Variants in EXOC7 observed in about 807,000 individuals in gnomAD.
The protein encoded by EXOC7 is exocyst complex component 7.
Under a neutral mutation model 87.6 loss-of-function variants are expected in EXOC7, and 51 were observed. The observed-to-expected ratio is 0.58, with a 90% CI of 0.46 to 0.73. The LOEUF (loss-of-function observed/expected upper bound fraction) is 0.73, where lower values mean the gene tolerates loss of function less well. EXOC7 is among the 30% of genes least tolerant of loss of function. The pLI is 0.00. For synonymous variants in EXOC7, 327 were observed against 357.1 expected, an observed-to-expected ratio of 0.92 and a Z score of 0.95; for missense variants, 744 against 888.4, an observed-to-expected ratio of 0.84 and a Z score of 2.07.
intron 7 of EXOC7, chr17:76,089,718 C>T (rs1390166974): frequency 1.7e-5 from 4 of 230,014 alleles, no homozygotes; most frequent in African/African-American, 8.9e-5. Context: ...TGTGCCACCT[C>T]AAGGAGGCTG....
intron 15 of EXOC7, 29 bp downstream of exon 15, chr17:76,085,285 G>T (rs774594778): frequency 2.6e-6 from 4 of 1,542,960 alleles, no homozygotes; most frequent in Non-Finnish European, 3.5e-6. Context: ...AGGGGCCCAT[G>T]CAGGAGCAGG....
At position 76,088,825 on chromosome 17, in the gene EXOC7, G is replaced by A. The variant is rs1481404403; in HGVS notation, c.1146C>T (p.Phe382=). Reference sequence around the variant, plus strand: ...TCTGCTTGAGGTGTCGCAGGATGGGGAAGACGGTGAGCACCGTGGAGAAGT... The same window carrying A: ...TCTGCTTGAGGTGTCGCAGGATGGGAAAGACGGTGAGCACCGTGGAGAAGT... ...RHDFSTVLTV[F]PILRHLKQTK... Residue 382 remains phenylalanine, a synonymous_variant, in exon 9 of 19, where the codon TTC becomes TTT. Coordinates refer to ENST00000589210, the MANE Select transcript of EXOC7 (RefSeq NM_001013839.4). The A allele has an allele frequency of 1.2e-6, 2 of 1,613,784 alleles. No individual in the cohort carries two copies. Among genetic ancestry groups the A allele is most frequent in the East Asian group, 4.5e-5 (2 of 44,890 alleles).
At chr17:76,090,523 G>T (rs1309342725) in intron 7 of EXOC7, 3 of 1,540,046 alleles carry the variant, frequency 1.9e-6, no homozygotes, top group Admixed American at 3.9e-5. Context: ...GATGGGGAAG[G>T]GGGCATCGGA....
Position 76,082,555 on chromosome 17 carries a change from A to G in EXOC7, c.*1093T>C, listed in dbSNP as rs745471642. 1.2e-6 allele frequency: 2 copies of G among 1,613,608 alleles called. No individual in the cohort carries two copies. The highest frequency in any genetic ancestry group is 1.7e-6 in the Non-Finnish European group (2 of 1,179,900). On this transcript the variant is annotated 3_prime_UTR_variant, in exon 19 of 19. Coordinates refer to ENST00000589210, the MANE Select transcript of EXOC7 (RefSeq NM_001013839.4). ...CGTGTATGTGGTTGGGGTGCTGTGC[A>G]CCCAATTCGTCTTTGCAGGAATCTG...
At chr17:76,087,416 C>T in intron 12 of EXOC7, 1 of 564,942 alleles carries the variant, frequency 1.8e-6, no homozygotes, top group Non-Finnish European at 3.2e-6. Context: ...GAGGACACTG[C>T]TTCCAGGGCG....
At chr17:76,092,016 G>C (rs1467902250) in intron 6 of EXOC7, among the ~76,000 whole-genome samples, 1 of 152,182 alleles carries the variant, frequency 6.6e-6, no homozygotes, top group East Asian at 1.9e-4. Context: ...CAGCCGCCTG[G>C]GTCAGCCTCC....
intron 6 of EXOC7, among the ~76,000 whole-genome samples, chr17:76,091,942 T>TG (rs550742679): frequency 4.1e-4 from 63 of 152,194 alleles, no homozygotes; most frequent in Admixed American, 2.9e-3. Flanking sequence ...GCTCTTGGCA[T>TG]GGGGGAGAAA....
chr17:76,084,269 C>A lies in EXOC7; in HGVS notation c.1797G>T (p.Gln599His), dbSNP rs756333296. The stretch of plus-strand genomic sequence containing the variant: ...TCACCTTAAAACGCTCCTTGATAAT[C>A]TGCCGCTCCTTGTCCCGGAGCTGGG... ...PGVKLRDKER[Q>H]IIKERFKGFN... The change falls in exon 17 of 19, where the codon CAG (glutamine) becomes CAT (histidine). Residue 599 changes from glutamine to histidine, a missense_variant. By Grantham distance (24) the Gln-to-His change is conservative. Around this residue, in one of 3 missense-constraint regions of EXOC7, gnomAD observed 228 missense variants for 298.6 expected, o/e 0.76. Coordinates refer to ENST00000589210, the MANE Select transcript of EXOC7 (RefSeq NM_001013839.4). 1 of 1,613,568 alleles carries A rather than the reference C, an allele frequency of 6.2e-7. No homozygotes were observed. Among genetic ancestry groups the A allele is most frequent in the South Asian group, 1.1e-5 (1 of 91,080 alleles).
At chr17:76,086,931 G>C in intron 12 of EXOC7, 1 of 1,538,104 alleles carries the variant, frequency 6.5e-7, no homozygotes, top group Non-Finnish European at 8.8e-7. Context: ...GGGGACAGAG[G>C]GAGAGACAAA....
intron 1 of EXOC7, 29 bp downstream of exon 1, chr17:76,103,604 C>CTCCCCAGCCTCACCTTT: frequency 6.2e-7 from 1 of 1,612,278 alleles, no homozygotes; most frequent in Middle Eastern, 1.7e-4. Context: ...CCCTCACCTC[C>CTCCCCAGCCTCACCTTT]TCCCCAGCCT....
intron 4 of EXOC7, among the ~76,000 whole-genome samples, chr17:76,100,358 T>C (rs2067997637): frequency 6.6e-6 from 1 of 152,020 alleles, no homozygotes; most frequent in Non-Finnish European, 1.5e-5. Context: ...CCAGGCACGG[T>C]GGCTCACACC....
Position 76,101,363 on chromosome 17 carries a change from G to A in EXOC7, c.325C>T (p.Leu109=). The change falls in exon 4 of 19, where the codon CTG becomes TTG. Residue 109 remains leucine, a synonymous_variant. Transcript: ENST00000589210. The part of the protein sequence containing the change: ...KIIREGPTGR[L]EEYLGSMAKI... ...GCCATGCTTCCCAGGTACTCTTCCA[G>A]CCTACCTGTGGGGCTGGGAAAGAAA... 6.2e-7 allele frequency: 1 copy of A among 1,614,056 alleles called. No homozygotes were observed.
At position 76,086,105 on chromosome 17, in the gene EXOC7, G is replaced by A. The variant is rs1229643360; in HGVS notation, c.1470C>T (p.Ser490=). ...SSATSYSSEF[S]KRLLSTYICK... ...AGATATAGGTGCTTAGCAGCCGCTT[G>A]CTGAACTCAGAGCTGTAGCTGGTGG... is the stretch of plus-strand genomic sequence containing the variant. Residue 490 remains serine (S), a synonymous_variant, in exon 13 of 19, where the codon AGC becomes AGT. Coordinates refer to ENST00000589210, the MANE Select transcript of EXOC7 (RefSeq NM_001013839.4). 1.9e-6 allele frequency: 3 copies of A among 1,613,756 alleles called. No individual in the cohort carries two copies. The Admixed American group carries it at 5.0e-5, about 27-fold the overall frequency.
Position 76,094,575 on chromosome 17 carries a change from A to C in EXOC7, c.647T>G (p.Met216Arg). ...LVEYGRNQDF[M>R]NVYYQIRSSQ... ...GGAGCGTATCTGGTAGTAGACGTTC[A>C]TGAAATCTGAGGAGACACAGAGGGA... Residue 216 changes from methionine to arginine, a missense_variant, in exon 6 of 19, where the codon ATG (methionine) becomes AGG (arginine). By Grantham distance (91) the Met-to-Arg change is moderately conservative (BLOSUM62 -1). Around this residue, in one of 3 missense-constraint regions of EXOC7, gnomAD observed 512 missense variants for 573.0 expected, o/e 0.89. Transcript: ENST00000589210. 6.2e-7 allele frequency: 1 copy of C among 1,612,622 alleles called. No homozygotes were observed. The highest frequency in any genetic ancestry group is 8.5e-7 in the Non-Finnish European group (1 of 1,179,442).
At position 76,094,483 on chromosome 17, in the gene EXOC7, C is replaced by A; in HGVS notation, c.739G>T (p.Val247Phe). The A allele has an allele frequency of 6.2e-7, 1 of 1,614,106 alleles. No homozygotes were observed. Among genetic ancestry groups the A allele is most frequent in the Middle Eastern group, 1.7e-4 (1 of 6,044 alleles). Residue 247 changes from valine (V) to phenylalanine (F), a missense_variant, in exon 6 of 19, where the codon GTT becomes TTT. Physicochemically the swap from Val to Phe is conservative, Grantham distance 50. This residue lies in a region of EXOC7 where 512 missense variants were observed against 573.0 expected (regional missense o/e 0.89). Coordinates refer to ENST00000589210, the MANE Select transcript of EXOC7 (RefSeq NM_001013839.4). The stretch of plus-strand genomic sequence containing the variant: ...TTGGGGATAGCAGGGGAGTAGGGAA[C>A]CCCAGAGGAAGAACTGCTCTTATGG... Reference protein sequence around the residue: ...HFHKSSSSSGVPYSPAIPNKR... With the variant: ...HFHKSSSSSGFPYSPAIPNKR...
At position 76,087,600 on chromosome 17, in the gene EXOC7, T is replaced by C. The variant is rs73361873; in HGVS notation, c.1429+54A>G. On this transcript the variant is annotated intron_variant, in intron 12 of 18. Transcript: ENST00000589210. ...CTGCTACCTGCCCTCTAACCCCATG[T>C]CTCCAGGCAAGGAGGCGAGTGGGGC... The C allele has an allele frequency of 5.0e-3, 7,604 of 1,517,834 alleles. 277 individuals are homozygous for C. In the African/African-American group the frequency reaches 0.085, roughly 17 times the overall value. The allele number at this position is 1,517,834 out of a possible 1,614,324, so 94.0% of individuals were successfully genotyped here.
rs1305206481 is a variant in EXOC7 at position 76,087,645 on chromosome 17, T to G, written c.1429+9A>C. ...TGGGGCAGGGGGCCCAACTGGGAGG[T>G]ACCAGTACCTTGGGAGGCCAGCATG... On this transcript the variant is annotated intron_variant, in intron 12 of 18. Coordinates refer to ENST00000589210, the MANE Select transcript of EXOC7 (RefSeq NM_001013839.4). 12 of 1,550,454 alleles carry G rather than the reference T, an allele frequency of 7.7e-6. No homozygotes were observed. The highest frequency in any genetic ancestry group is 1.0e-5 in the Non-Finnish European group (12 of 1,146,868).
rs768447807 is a variant in EXOC7 at position 76,103,351 on chromosome 17, G to A, written c.126+10C>T. 3.1e-6 allele frequency: 5 copies of A among 1,591,234 alleles called. No homozygotes were observed. Among genetic ancestry groups the A allele is most frequent in the Non-Finnish European group, 4.3e-6 (5 of 1,168,224 alleles). The stretch of plus-strand genomic sequence containing the variant: ...GGCCTGCCCTCTCCCCCAGCTGCGG[G>A]GAGACTCACCATGTTCTTAGTGAGC... On this transcript the variant is annotated intron_variant, in intron 2 of 18. Transcript: ENST00000589210.
At chr17:76,097,331 T>A (rs2067810395) in intron 5 of EXOC7, among the ~76,000 whole-genome samples, 1 of 152,174 alleles carries the variant, frequency 6.6e-6, no homozygotes, top group Admixed American at 6.5e-5. Flanking sequence ...GATATACAAG[T>A]CATAGAATGG....
Sources: gnomAD v4.1 joint callset for allele counts (sites outside exome capture counted in the v4.1 genomes callset) on GRCh38, gnomAD v4.1.1 for gene constraint, gnomAD v4.1.1 regional missense constraint, MANE v1.5 for transcripts, NCBI Gene and HGNC (gene_info 2026-07-23, HGNC 2026-07-21) for gene names.